NPAS3: variants seen among roughly 807,000 people sequenced by gnomAD.
NPAS3 encodes neuronal PAS domain-containing protein 3.
In NPAS3, 14 loss-of-function variants were observed where a neutral mutation model predicts 73.1. That is an observed-to-expected ratio of 0.19 (90% CI 0.13 to 0.30). The LOEUF is 0.30. Among genes scored for constraint, NPAS3 ranks in the 10% least tolerant of loss-of-function variants. The pLI is 1.00. For synonymous variants in NPAS3, 620 were observed against 541.5 expected (o/e 1.14, Z -2.01); for missense variants, 1,096 against 1,250.0 (o/e 0.88, Z 1.86).
intron 2 of NPAS3, among the ~76,000 whole-genome samples, chr14:33,124,567 A>G (rs1052208000): frequency 6.6e-6 from 1 of 152,118 alleles, no homozygotes; most frequent in Non-Finnish European, 1.5e-5. Context: ...TTTTATTGCT[A>G]AGAAATAAGG....
intron 6 of NPAS3, 53 bp downstream of exon 6, chr14:33,676,438 G>A: frequency 6.8e-7 from 1 of 1,470,026 alleles, no homozygotes; most frequent in Non-Finnish European, 9.1e-7. Context: ...TTTGCCAAAT[G>A]AGTGTGCTCA....
chr14:33,527,800 G>A (rs980853482), intron 4 of NPAS3, among the ~76,000 whole-genome samples: 1 of 152,104 alleles, frequency 6.6e-6, no homozygotes, highest in Non-Finnish European at 1.5e-5. Flanking sequence ...AGTGCTGGGG[G>A]CTTCCTTTTG....
At position 33,007,003 on chromosome 14, in the gene NPAS3, T is replaced by C. The variant is rs943652535; in HGVS notation, c.51-48902T>C. ...TAGTTTATTGTACATGAGCATAGAG[T>C]AAGCTTGAATTATGACTTTTTTTGT... On this transcript the variant is annotated intron_variant, in intron 1 of 11. Coordinates refer to ENST00000356141, the Ensembl canonical transcript of NPAS3. 7.2e-5 allele frequency among the ~76,000 whole-genome samples: 11 copies of C among 151,894 alleles called. No individual in the cohort carries two copies. In the East Asian group the frequency reaches 2.1e-3, roughly 29 times the overall value.
At chr14:33,424,178 G>A (rs2048463572) in intron 4 of NPAS3, among the ~76,000 whole-genome samples, 1 of 152,020 alleles carries the variant, frequency 6.6e-6, no homozygotes, top group African/African-American at 2.4e-5. Flanking sequence ...TACTCAAGCT[G>A]AAATCCAAGA....
At chr14:33,460,015 A>G (rs1390405215) in intron 4 of NPAS3, among the ~76,000 whole-genome samples, 1 of 152,246 alleles carries the variant, frequency 6.6e-6, no homozygotes, top group Non-Finnish European at 1.5e-5. Flanking sequence ...ATAGAAAATT[A>G]CACAGAAGGT....
At chr14:32,995,848 C>T (rs777523737) in intron 1 of NPAS3, among the ~76,000 whole-genome samples, 6 of 152,062 alleles carry the variant, frequency 3.9e-5, no homozygotes, top group Non-Finnish European at 8.8e-5. Context: ...TGAAAATGGA[C>T]TAATACAGTA....
intron 3 of NPAS3, among the ~76,000 whole-genome samples, chr14:33,218,506 C>T (rs1161756825): frequency 6.6e-6 from 1 of 152,062 alleles, no homozygotes; most frequent in Non-Finnish European, 1.5e-5. Context: ...CTATGTTGTG[C>T]CCTTGAAGAC....
At chr14:33,122,898 G>A (rs190031966) in intron 2 of NPAS3, among the ~76,000 whole-genome samples, 6 of 152,138 alleles carry the variant, frequency 3.9e-5, no homozygotes, top group Admixed American at 1.3e-4. Context: ...TATTGTGGAC[G>A]TTTTGATTAT....
intron 6 of NPAS3, among the ~76,000 whole-genome samples, chr14:33,722,748 G>C (rs951369445): frequency 6.6e-6 from 1 of 152,050 alleles, no homozygotes; most frequent in Non-Finnish European, 1.5e-5. Context: ...CTCATTTCTG[G>C]CTTCTCTAAA....
chr14:33,284,204 A>G (rs2041762468), intron 3 of NPAS3, among the ~76,000 whole-genome samples: 2 of 152,154 alleles, frequency 1.3e-5, no homozygotes, highest in South Asian at 2.1e-4. Flanking sequence ...AAGAAACTAC[A>G]ATATTAGGGG....
chr14:33,030,197 G>C (rs1293468226), intron 1 of NPAS3, among the ~76,000 whole-genome samples: 1 of 152,152 alleles, frequency 6.6e-6, no homozygotes, highest in African/African-American at 2.4e-5. Context: ...TAAATTTAAT[G>C]GTGAGCACAA....
chr14:33,021,933 G>T lies in NPAS3; in HGVS notation c.51-33972G>T, dbSNP rs1167332656. On this transcript the variant is annotated intron_variant, in intron 1 of 11. Transcript: ENST00000356141. ...CCCATAAAACTACATGTCAAGGTAG[G>T]TATTATCATCCCCATTGCACTGATG... Among the ~76,000 whole-genome samples, 3 of 152,088 alleles carry T rather than the reference G, an allele frequency of 2.0e-5. No individual in the cohort carries two copies. The East Asian group carries it at 5.8e-4, about 29-fold the overall frequency.
chr14:33,632,838 C>A (rs921435241), intron 5 of NPAS3, among the ~76,000 whole-genome samples: 24 of 152,124 alleles, frequency 1.6e-4, no homozygotes, highest in Admixed American at 1.4e-3. Flanking sequence ...CAAATACCTT[C>A]TTTTATAGGA....
chr14:33,786,990 T>C (rs2063194042), intron 9 of NPAS3, among the ~76,000 whole-genome samples: 2 of 152,164 alleles, frequency 1.3e-5, no homozygotes. Context: ...TTCCTAGCCT[T>C]AATTTTTTTA....
At chr14:33,425,621 C>T (rs1485317915) in intron 4 of NPAS3, among the ~76,000 whole-genome samples, 9 of 151,282 alleles carry the variant, frequency 5.9e-5, no homozygotes, top group Non-Finnish European at 8.8e-5. Context: ...TTCAGTTCCA[C>T]ATGACTTCAT....
upstream of NPAS3, among the ~76,000 whole-genome samples, chr14:32,939,034 C>T (rs1471604173): frequency 2.1e-5 from 3 of 145,474 alleles, no homozygotes; most frequent in African/African-American, 4.9e-5. Context: ...CTGGGAGCAC[C>T]GGCGGCGCGA....
At chr14:33,008,037 A>G (rs2139620891) in intron 1 of NPAS3, among the ~76,000 whole-genome samples, 1 of 152,326 alleles carries the variant, frequency 6.6e-6, no homozygotes, top group Non-Finnish European at 1.5e-5. Context: ...ATCCTGTATC[A>G]TATTGTTTAC....
At chr14:33,635,320 CAG>C (rs748538832) in intron 5 of NPAS3, among the ~76,000 whole-genome samples, 11 of 152,122 alleles carry the variant, frequency 7.2e-5, no homozygotes, top group Non-Finnish European at 1.3e-4. Context: ...AGTCAGATTA[CAG>C]AGAGTTGTCG....
intron 3 of NPAS3, among the ~76,000 whole-genome samples, chr14:33,256,744 T>C (rs943932819): frequency 2.6e-5 from 4 of 152,366 alleles, no homozygotes; most frequent in South Asian, 4.1e-4. Flanking sequence ...TTATTAATAG[T>C]TTATTACACA....
Sources: allele counts gnomAD v4.1 joint callset (sites outside exome capture counted in the v4.1 genomes callset), GRCh38; gene constraint gnomAD v4.1.1; transcripts MANE v1.5; gene names NCBI Gene and HGNC (gene_info 2026-07-23, HGNC 2026-07-21).